The following TENM3 variants were observed in gnomAD, a reference collection of about 807,000 sequenced individuals.
TENM3 encodes the protein teneurin-3.
A neutral mutation model predicts 255.1 loss-of-function variants in TENM3; 63 were observed. That is an observed-to-expected ratio of 0.25 (90% confidence interval 0.20 to 0.30). The LOEUF (loss-of-function observed/expected upper bound fraction) is 0.30. TENM3 is among the 10% of genes least tolerant of loss of function. The pLI is 1.00. For missense variants in TENM3, 2,929 were observed against 3,461.1 expected, an observed-to-expected ratio of 0.85 and a Z score of 3.86; for synonymous variants, 1,306 against 1,322.3, an observed-to-expected ratio of 0.99 and a Z score of 0.27.
intron 3 of TENM3, among the ~76,000 whole-genome samples, chr4:182,582,915 A>T (rs1745644804): frequency 6.6e-6 from 1 of 152,044 alleles, no homozygotes; most frequent in African/African-American, 2.4e-5. Context: ...GAATGTGGAG[A>T]CTCTTTTCCC....
chr4:181,636,229 G>C, the TENM3 span, among the ~76,000 whole-genome samples: 1 of 151,918 alleles, frequency 6.6e-6, no homozygotes, highest in East Asian at 1.9e-4. Context: ...ATTTTTAGTA[G>C]AGACAGGGTT....
intron 12 of TENM3, among the ~76,000 whole-genome samples, chr4:182,705,514 T>C (rs1308310413): frequency 6.6e-6 from 1 of 152,238 alleles, no homozygotes; most frequent in African/African-American, 2.4e-5. Flanking sequence ...ATGTGAGTTG[T>C]TCATAGCCAT....
the TENM3 span, among the ~76,000 whole-genome samples, chr4:182,069,429 C>G: frequency 2.6e-5 from 4 of 152,158 alleles, no homozygotes; most frequent in Non-Finnish European, 4.4e-5. Flanking sequence ...GCAGGAAGGA[C>G]TTGATCAGAA....
At chr4:182,575,811 A>G (rs1451824787) in intron 3 of TENM3, among the ~76,000 whole-genome samples, 2 of 152,230 alleles carry the variant, frequency 1.3e-5, no homozygotes, top group Non-Finnish European at 2.9e-5. Flanking sequence ...GTATTAAAGG[A>G]ACAAATAACA....
chr4:181,892,118 T>C, the TENM3 span, among the ~76,000 whole-genome samples: 1 of 152,218 alleles, frequency 6.6e-6, no homozygotes, highest in Non-Finnish European at 1.5e-5. Flanking sequence ...TTCTATTCTT[T>C]GCAAATTACA....
chr4:181,517,925 C>A, the TENM3 span, among the ~76,000 whole-genome samples: 1 of 152,142 alleles, frequency 6.6e-6, no homozygotes, highest in Non-Finnish European at 1.5e-5. Flanking sequence ...CTTTCCAGCA[C>A]GCTCAGGTTC....
chr4:182,622,690 A>T (rs986969086), intron 4 of TENM3, among the ~76,000 whole-genome samples: 5 of 152,200 alleles, frequency 3.3e-5, no homozygotes, highest in African/African-American at 1.2e-4. Flanking sequence ...ATATGATTTC[A>T]TTCCTTTATT....
the TENM3 span, among the ~76,000 whole-genome samples, chr4:181,691,335 G>C: frequency 6.8e-6 from 1 of 146,756 alleles, no homozygotes; most frequent in Non-Finnish European, 1.5e-5. Context: ...TACATAAGCT[G>C]TGTGTTTAAG....
chr4:181,780,413 C>T, the TENM3 span, among the ~76,000 whole-genome samples: 29 of 152,238 alleles, frequency 1.9e-4, 2 homozygotes, highest in Admixed American at 1.4e-3. Context: ...TTTCATGTGT[C>T]TCTTGGCTGC....
At chr4:181,852,523 A>G in the TENM3 span, among the ~76,000 whole-genome samples, 3 of 152,156 alleles carry the variant, frequency 2.0e-5, no homozygotes, top group African/African-American at 4.8e-5. Flanking sequence ...TGTTTGTTGC[A>G]AGGGGTTTTA....
At chr4:182,055,478 CA>C in the TENM3 span, among the ~76,000 whole-genome samples, 7 of 152,162 alleles carry the variant, frequency 4.6e-5, no homozygotes, top group Non-Finnish European at 1.0e-4. Context: ...GGATAGTATG[CA>C]TGTCAAAGTC....
the TENM3 span, among the ~76,000 whole-genome samples, chr4:181,512,842 G>A: frequency 6.6e-6 from 1 of 152,134 alleles, no homozygotes; most frequent in Non-Finnish European, 1.5e-5. Flanking sequence ...GACACATTTA[G>A]ATTAGAAACA....
chr4:181,964,033 T>C, the TENM3 span, among the ~76,000 whole-genome samples: 19 of 151,864 alleles, frequency 1.3e-4, no homozygotes, highest in Admixed American at 1.1e-3. Flanking sequence ...AAATTTTCTA[T>C]TGAATTGATT....
chr4:181,552,189 C>T, the TENM3 span, among the ~76,000 whole-genome samples: 1 of 152,034 alleles, frequency 6.6e-6, no homozygotes, highest in Non-Finnish European at 1.5e-5. Flanking sequence ...GGGAAGTTTT[C>T]CTAATTTCAT....
intron 22 of TENM3, among the ~76,000 whole-genome samples, chr4:182,765,654 A>G (rs1310139255): frequency 1.3e-5 from 2 of 151,988 alleles, no homozygotes. Context: ...CAAGTCATTG[A>G]CACTCATGAG....
At chr4:182,047,112 A>G in the TENM3 span, among the ~76,000 whole-genome samples, 1 of 152,168 alleles carries the variant, frequency 6.6e-6, no homozygotes, top group Non-Finnish European at 1.5e-5. Context: ...AGGAAAGATT[A>G]CCAGAGGTAA....
the TENM3 span, among the ~76,000 whole-genome samples, chr4:181,991,048 G>A: frequency 1.2e-4 from 18 of 152,088 alleles, no homozygotes; most frequent in African/African-American, 4.1e-4. Flanking sequence ...AGGATTAGAA[G>A]TATTTGGGCT....
chr4:182,765,132 A>AT (rs748702237), intron 22 of TENM3, among the ~76,000 whole-genome samples: 4 of 119,242 alleles, frequency 3.4e-5, no homozygotes, highest in African/African-American at 1.1e-4. Context: ...CTAGCATGTG[A>AT]TTAAAAAAAA....
the TENM3 span, among the ~76,000 whole-genome samples, chr4:181,978,525 T>C: frequency 6.6e-6 from 1 of 151,586 alleles, no homozygotes; most frequent in Non-Finnish European, 1.5e-5. Context: ...TGCGCGCCTG[T>C]AATCCCAGCT....
Sources: gnomAD v4.1 joint callset for allele counts (sites outside exome capture counted in the v4.1 genomes callset) on GRCh38, gnomAD v4.1.1 for gene constraint, MANE v1.5 for transcripts, NCBI Gene and HGNC (gene_info 2026-07-23, HGNC 2026-07-21) for gene names.